The following DLGAP2 variants were observed in gnomAD, a reference collection of about 807,000 sequenced individuals.
DLGAP2 encodes DLG associated protein 2, also known as disks large-associated protein 2.
In DLGAP2, 26 loss-of-function variants were observed where a neutral mutation model predicts 100.3. The observed-to-expected ratio is 0.26, with a 90% CI of 0.19 to 0.36. The LOEUF (loss-of-function observed/expected upper bound fraction) is 0.36, where lower values mean the gene tolerates loss of function less well. Ranked by LOEUF, DLGAP2 falls within the 10% of genes least tolerant of loss-of-function variation. The probability of loss-of-function intolerance (pLI) is 1.00; values close to 1 mark genes in which losing one functional copy is unlikely to be tolerated. For missense variants in DLGAP2, 1,858 were observed against 1,453.2 expected, an observed-to-expected ratio of 1.28 and a Z score of -4.53; for synonymous variants, 886 against 630.1, an observed-to-expected ratio of 1.41 and a Z score of -6.08.
At chr8:1,410,852 A>T (rs1246392608) in intron 3 of DLGAP2, among the ~76,000 whole-genome samples, 12 of 137,966 alleles carry the variant, frequency 8.7e-5, no homozygotes, top group Non-Finnish European at 1.4e-4. Context: ...TTTTTTTTTT[A>T]AACTTCCTTG....
Position 1,382,482 on chromosome 8 carries a change from T to C in DLGAP2, c.107-118884T>C, listed in dbSNP as rs563393050. On this transcript the variant is annotated intron_variant, in intron 3 of 14. Transcript: ENST00000637795. ...CAGGCGCAGTGGCTCACAGCTGTAA[T>C]TGCAGCGCTTTGGGAGGCAGGGGCA... Among the ~76,000 whole-genome samples the C allele has an allele frequency of 1.2e-4, 18 of 152,280 alleles. No individual in the cohort carries two copies. The South Asian group carries it at 3.7e-3, about 32-fold the overall frequency.
At chr8:979,681 G>T (rs1032817093) in intron 2 of DLGAP2, among the ~76,000 whole-genome samples, 5 of 152,220 alleles carry the variant, frequency 3.3e-5, no homozygotes, top group African/African-American at 9.7e-5. Flanking sequence ...GTGGAAACTA[G>T]GTGTGAAGCA....
At chr8:751,856 T>C (rs58445526) in intron 1 of DLGAP2, among the ~76,000 whole-genome samples, 6,668 of 151,340 alleles carry the variant, frequency 0.044, 424 homozygotes, top group African/African-American at 0.16. Context: ...AGGAAGTTCA[T>C]CTGACACTTC....
chr8:1,579,776 T>C (rs1442131823), intron 6 of DLGAP2, among the ~76,000 whole-genome samples: 3 of 152,218 alleles, frequency 2.0e-5, no homozygotes, highest in Non-Finnish European at 2.9e-5. Context: ...CGTTCACTAT[T>C]GTGTTACATA....
At chr8:1,315,858 T>G (rs1800728665) in intron 3 of DLGAP2, among the ~76,000 whole-genome samples, 1 of 126,838 alleles carries the variant, frequency 7.9e-6, no homozygotes. Flanking sequence ...CCTGTGCGAG[T>G]GCAGCGTCTC....
chr8:746,927 G>C (rs977942658), intron 1 of DLGAP2, among the ~76,000 whole-genome samples: 1 of 152,200 alleles, frequency 6.6e-6, no homozygotes, highest in African/African-American at 2.4e-5. Context: ...CCCTGCAGGC[G>C]TGATGGGGAC....
At chr8:855,519 A>C (rs1797260827) in intron 1 of DLGAP2, among the ~76,000 whole-genome samples, 1 of 152,186 alleles carries the variant, frequency 6.6e-6, no homozygotes, top group African/African-American at 2.4e-5. Flanking sequence ...GAGGGTGTTT[A>C]ACAGCACCAC....
chr8:1,249,233 A>G (rs1798983440), intron 2 of DLGAP2, among the ~76,000 whole-genome samples: 1 of 152,116 alleles, frequency 6.6e-6, no homozygotes, highest in South Asian at 2.1e-4. Flanking sequence ...CATTGGGAGC[A>G]CATTTCAGAA....
At chr8:1,490,020 T>C (rs1034995737) in intron 3 of DLGAP2, among the ~76,000 whole-genome samples, 5 of 151,744 alleles carry the variant, frequency 3.3e-5, no homozygotes, top group Non-Finnish European at 7.4e-5. Context: ...GCCTCCCGAG[T>C]AGCTGGGATT....
chr8:1,050,471 G>A (rs775636073), intron 2 of DLGAP2, among the ~76,000 whole-genome samples: 5 of 152,206 alleles, frequency 3.3e-5, no homozygotes, highest in East Asian at 1.9e-4. Context: ...AAGCTGAGCT[G>A]TGATGTTATG....
intron 2 of DLGAP2, among the ~76,000 whole-genome samples, chr8:951,765 G>C (rs1799485864): frequency 6.6e-6 from 1 of 152,196 alleles, no homozygotes; most frequent in South Asian, 2.1e-4. Context: ...GCATTTCCTA[G>C]ATCAGATGAG....
At chr8:1,618,993 C>T (rs1433676476) in intron 6 of DLGAP2, among the ~76,000 whole-genome samples, 1 of 152,062 alleles carries the variant, frequency 6.6e-6, no homozygotes, top group Non-Finnish European at 1.5e-5. Flanking sequence ...AAAATAGATC[C>T]GTGTGACAGA....
At chr8:1,205,610 CGTG>C (rs1316679985) in intron 2 of DLGAP2, among the ~76,000 whole-genome samples, 1 of 152,142 alleles carries the variant, frequency 6.6e-6, no homozygotes, top group East Asian at 1.9e-4. Flanking sequence ...GCCGCTGGGA[CGTG>C]GTGCGTGAAC....
At chr8:796,312 G>A (rs1050142939) in intron 1 of DLGAP2, among the ~76,000 whole-genome samples, 3 of 152,148 alleles carry the variant, frequency 2.0e-5, no homozygotes, top group Non-Finnish European at 4.4e-5. Flanking sequence ...CTCTGAGCTT[G>A]TCATCTGGCC....
chr8:1,263,710 G>A (rs1799396454), intron 3 of DLGAP2, among the ~76,000 whole-genome samples: 1 of 152,046 alleles, frequency 6.6e-6, no homozygotes, highest in African/African-American at 2.4e-5. Context: ...TGATAGGATT[G>A]CTTCTTGAAA....
At chr8:1,581,637 A>C in intron 6 of DLGAP2, among the ~76,000 whole-genome samples, 1 of 151,100 alleles carries the variant, frequency 6.6e-6, no homozygotes, top group Non-Finnish European at 1.5e-5. Flanking sequence ...ACAAAACACC[A>C]CACACATCTA....
At chr8:1,378,725 A>C (rs1179171913) in intron 3 of DLGAP2, among the ~76,000 whole-genome samples, 9 of 152,236 alleles carry the variant, frequency 5.9e-5, no homozygotes, top group Non-Finnish European at 1.2e-4. Context: ...TTGGAAAGTC[A>C]CACGTTTTGC....
intron 2 of DLGAP2, among the ~76,000 whole-genome samples, chr8:1,240,227 TCTCTC>T (rs1367329009): frequency 0.19 from 16,843 of 88,430 alleles, 2,179 homozygotes; most frequent in Non-Finnish European, 0.27. Flanking sequence ...TGTGTCTAGT[TCTCTC>T]ACATGGCGCC....
chr8:1,643,185 C>T (rs1443646017), intron 8 of DLGAP2, among the ~76,000 whole-genome samples: 1 of 30,120 alleles, frequency 3.3e-5, no homozygotes, highest in Non-Finnish European at 5.2e-5. Flanking sequence ...TCGACCCCGC[C>T]GGCCCTCACC....
Sources: gnomAD v4.1 joint callset for allele counts (sites outside exome capture counted in the v4.1 genomes callset) on GRCh38, gnomAD v4.1.1 for gene constraint, MANE v1.5 for transcripts, NCBI Gene and HGNC (gene_info 2026-07-23, HGNC 2026-07-21) for gene names.